MTMR1: variants seen among roughly 807,000 people sequenced by gnomAD.
MTMR1 encodes the protein myotubularin related protein 1.
In MTMR1, 17 loss-of-function variants were observed where a neutral mutation model predicts 51.6. That is an observed-to-expected ratio of 0.33 (90% confidence interval 0.23 to 0.49). The LOEUF (loss-of-function observed/expected upper bound fraction) is 0.49, where lower values mean the gene tolerates loss of function less well. MTMR1 is among the 20% of genes least tolerant of loss of function. The pLI is 0.99. For missense variants in MTMR1, 386 were observed against 526.9 expected, an observed-to-expected ratio of 0.73 and a Z score of 2.62; for synonymous variants, 201 against 205.6, an observed-to-expected ratio of 0.98 and a Z score of 0.19.
chrX:150,764,864 G>GTAT lies in MTMR1; in HGVS notation c.*2137_*2139dup, dbSNP rs1557418398. Reference sequence around the variant, plus strand: ...GGTTTTTAAAAACTGGTACAGTATTGTATTTGTCTCATCTGTTGCACTGTA... The same window carrying GTAT: ...GGTTTTTAAAAACTGGTACAGTATTGTATTATTTGTCTCATCTGTTGCACTGTA... On this transcript the variant is annotated 3_prime_UTR_variant, in exon 16 of 16. Transcript: ENST00000445323. 1.8e-5 allele frequency: 2 copies of GTAT among 112,280 alleles called. No individual in the cohort carries two copies. The highest frequency in any genetic ancestry group is 6.5e-5 in the African/African-American group (2 of 30,751). 9.3% of individuals were successfully genotyped at this position (112,280 alleles called of 1,213,427 possible).
At chrX:150,697,444 A>AT (rs1359621566) in intron 1 of MTMR1, among the ~76,000 whole-genome samples, 7 of 108,754 alleles carry the variant, frequency 6.4e-5, no homozygotes, top group East Asian at 2.9e-4. Context: ...TAGTGATATG[A>AT]TTTTTTTTTT....
intron 12 of MTMR1, among the ~76,000 whole-genome samples, chrX:150,742,001 T>C (rs781799187): frequency 1.8e-5 from 2 of 112,634 alleles, no homozygotes; most frequent in Admixed American, 1.9e-4. Flanking sequence ...TATTTGTACA[T>C]TGGTGTCCAT....
chrX:150,728,002 TC>T (rs2041995954), intron 6 of MTMR1, among the ~76,000 whole-genome samples: 1 of 111,748 alleles, frequency 8.9e-6, no homozygotes, highest in African/African-American at 3.3e-5. Context: ...AGTCCAATTG[TC>T]CCTTGGTATC....
chrX:150,731,409 A>C, intron 8 of MTMR1, 61 bp from the exon 9 acceptor site: 3 of 988,089 alleles, frequency 3.0e-6, no homozygotes, highest in Non-Finnish European at 4.0e-6. Context: ...CATGCTTAGT[A>C]CTTTTTCAAA....
At chrX:150,694,748 A>G (rs1305608373) in intron 1 of MTMR1, among the ~76,000 whole-genome samples, 1 of 112,627 alleles carries the variant, frequency 8.9e-6, no homozygotes, top group Non-Finnish European at 1.9e-5. Flanking sequence ...TCATCTGCAA[A>G]TATTCAACCA....
chrX:150,712,213 T>C (rs1603240029), intron 2 of MTMR1, 129 bp from the exon 3 acceptor site: 1 of 521,354 alleles, frequency 1.9e-6, no homozygotes, highest in African/African-American at 2.3e-5. Flanking sequence ...TGTGTTATGA[T>C]TGATCTTGTT....
At chrX:150,760,355 CAAG>C (rs2043067051) in intron 15 of MTMR1, among the ~76,000 whole-genome samples, 1 of 98,689 alleles carries the variant, frequency 1.0e-5, no homozygotes, top group Admixed American at 1.0e-4. Flanking sequence ...AGGGCAGATG[CAAG>C]CCTGTTGGGC....
chrX:150,698,522 T>C (rs1222665613), intron 1 of MTMR1, among the ~76,000 whole-genome samples: 2 of 110,975 alleles, frequency 1.8e-5, no homozygotes, highest in African/African-American at 3.3e-5. Context: ...GAAAAGCCTA[T>C]GCTGTAAGAT....
chrX:150,726,081 C>CG (rs1320891734), intron 4 of MTMR1, among the ~76,000 whole-genome samples: 3 of 111,904 alleles, frequency 2.7e-5, no homozygotes, highest in African/African-American at 9.8e-5. Context: ...CTGTTAGGAA[C>CG]GGGGCTGCAC....
intron 13 of MTMR1, among the ~76,000 whole-genome samples, chrX:150,749,269 T>C (rs1311431856): frequency 2.7e-5 from 3 of 112,621 alleles, no homozygotes; most frequent in Non-Finnish European, 5.6e-5. Context: ...GGTGCTAGTC[T>C]AGTAGTAAAG....
At position 150,762,870 on chromosome X, in the gene MTMR1, C is replaced by T; in HGVS notation, c.*141C>T. ...ATTTGTGTGGCTAGGTGACAGCTCCCACTGTTGGCAACCGTTACCCTCCTG... is the reference window on the plus strand; with the variant it reads ...ATTTGTGTGGCTAGGTGACAGCTCCTACTGTTGGCAACCGTTACCCTCCTG... On this transcript the variant is annotated 3_prime_UTR_variant, in exon 16 of 16. Transcript: ENST00000445323. 1 of 709,144 alleles carries T rather than the reference C, an allele frequency of 1.4e-6. No homozygotes were observed. Among genetic ancestry groups the T allele is most frequent in the Non-Finnish European group, 1.9e-6 (1 of 520,285 alleles). The allele number at this position is 709,144 out of a possible 1,213,427, so 58.4% of individuals were successfully genotyped here. A position where few individuals can be genotyped will look rare whatever the true frequency, so the allele number is the denominator to read the frequency against.
chrX:150,743,964 A>C (rs1410302729), intron 12 of MTMR1, among the ~76,000 whole-genome samples: 4 of 112,018 alleles, frequency 3.6e-5, no homozygotes, highest in African/African-American at 1.3e-4. Context: ...AAAATGGAAA[A>C]AATGTTTTTA....
chrX:150,760,611 T>G (rs1445667716), intron 15 of MTMR1, among the ~76,000 whole-genome samples: 1 of 112,118 alleles, frequency 8.9e-6, no homozygotes, highest in African/African-American at 3.2e-5. Context: ...AGGCATGCCC[T>G]TGATTTGTTG....
At chrX:150,707,537 C>G (rs782096842) in intron 2 of MTMR1, among the ~76,000 whole-genome samples, 12 of 112,285 alleles carry the variant, frequency 1.1e-4, no homozygotes, top group African/African-American at 3.9e-4. Context: ...AGTGAGATAT[C>G]GCTATATCCT....
At chrX:150,758,848 C>G (rs1255642266) in intron 15 of MTMR1, among the ~76,000 whole-genome samples, 2 of 111,392 alleles carry the variant, frequency 1.8e-5, no homozygotes, top group African/African-American at 6.5e-5. Context: ...TTGTGCTCTG[C>G]AAGACATGTC....
At chrX:150,741,698 C>G (rs1474561720) in intron 12 of MTMR1, among the ~76,000 whole-genome samples, 2 of 112,887 alleles carry the variant, frequency 1.8e-5, no homozygotes, top group African/African-American at 6.4e-5. Flanking sequence ...ATGACAATGT[C>G]TGACATTCCG....
chrX:150,740,581 C>T (rs782166930), intron 12 of MTMR1, among the ~76,000 whole-genome samples: 108 of 111,769 alleles, frequency 9.7e-4, no homozygotes, highest in African/African-American at 3.4e-3. Flanking sequence ...TCTCCATTGC[C>T]CCTGATGCTC....
chrX:150,703,499 C>T (rs2040990261), intron 2 of MTMR1, among the ~76,000 whole-genome samples: 1 of 112,042 alleles, frequency 8.9e-6, no homozygotes, highest in South Asian at 3.7e-4. Flanking sequence ...CCCACACACA[C>T]ACAGTAGCTA....
At chrX:150,739,639 T>C (rs1385479383) in intron 12 of MTMR1, among the ~76,000 whole-genome samples, 1 of 112,359 alleles carries the variant, frequency 8.9e-6, no homozygotes, top group Non-Finnish European at 1.9e-5. Flanking sequence ...TACAGCGCCC[T>C]GCTCCCATCC....
Sources: gnomAD v4.1 joint callset for allele counts (sites outside exome capture counted in the v4.1 genomes callset) on GRCh38, gnomAD v4.1.1 for gene constraint, MANE v1.5 for transcripts, NCBI Gene and HGNC (gene_info 2026-07-23, HGNC 2026-07-21) for gene names.